Variants in NRG3 observed in about 807,000 individuals in gnomAD.
NRG3 encodes the protein pro-neuregulin-3, membrane-bound isoform.
A neutral mutation model predicts 66.9 loss-of-function variants in NRG3; 31 were observed. That is an observed-to-expected ratio of 0.46 (90% CI 0.35 to 0.63). The LOEUF is 0.63. Ranked by LOEUF, NRG3 falls within the 20% of genes least tolerant of loss-of-function variation. The pLI, the probability that NRG3 is intolerant of heterozygous loss-of-function variation, is 0.00. For missense variants in NRG3, 910 were observed against 878.9 expected (o/e 1.04, Z -0.45); for synonymous variants, 393 against 359.4 (o/e 1.09, Z -1.06).
At chr10:82,619,839 G>A (rs1448296370) in intron 2 of NRG3, among the ~76,000 whole-genome samples, 1 of 152,172 alleles carries the variant, frequency 6.6e-6, no homozygotes, top group Non-Finnish European at 1.5e-5. Context: ...AAAGGCCTTA[G>A]CAGAAACCAA....
intron 1 of NRG3, among the ~76,000 whole-genome samples, chr10:82,226,561 G>A (rs1224558270): frequency 1.3e-5 from 2 of 152,054 alleles, no homozygotes; most frequent in Non-Finnish European, 2.9e-5. Flanking sequence ...AATAATGCTA[G>A]CCCTTATATC....
chr10:82,815,601 T>A (rs1377695658), intron 3 of NRG3, among the ~76,000 whole-genome samples: 1 of 152,100 alleles, frequency 6.6e-6, no homozygotes, highest in Admixed American at 6.5e-5. Context: ...GGTCTGGAAA[T>A]CTCAATATTC....
At chr10:82,547,518 A>G (rs533992823) in intron 2 of NRG3, among the ~76,000 whole-genome samples, 1 of 151,226 alleles carries the variant, frequency 6.6e-6, no homozygotes, top group African/African-American at 2.4e-5. Flanking sequence ...TATTCCATAT[A>G]TAGTGTGTAT....
At chr10:82,311,319 C>G (rs914988352) in intron 1 of NRG3, among the ~76,000 whole-genome samples, 9 of 152,124 alleles carry the variant, frequency 5.9e-5, no homozygotes, top group Admixed American at 5.2e-4. Context: ...AAATAATCAT[C>G]TTTAAATAAC....
In NRG3 at chr10:82,641,367, A is replaced by G. The variant is rs149446883; in HGVS notation, c.954-97210A>G. Among the ~76,000 whole-genome samples, 851 of 152,248 alleles carry G rather than the reference A, an allele frequency of 5.6e-3. 7 individuals are homozygous for G. The highest frequency in any genetic ancestry group is 0.019 in the African/African-American group (793 of 41,554). ...AGTGTCTTATTGTATATAATGTCTCATATATTCCATTTCTAGTTAAAATAT... is the reference window on the plus strand; with the variant it reads ...AGTGTCTTATTGTATATAATGTCTCGTATATTCCATTTCTAGTTAAAATAT... On this transcript the variant is annotated intron_variant, in intron 2 of 8. Coordinates refer to ENST00000372141, the MANE Select transcript of NRG3 (RefSeq NM_001010848.4).
intron 2 of NRG3, among the ~76,000 whole-genome samples, chr10:82,718,120 C>T (rs1591296397): frequency 6.6e-6 from 1 of 152,324 alleles, no homozygotes; most frequent in East Asian, 1.9e-4. Flanking sequence ...TCCACATATA[C>T]TAGTCTGCTA....
chr10:82,517,333 G>A (rs1845755343), intron 2 of NRG3, among the ~76,000 whole-genome samples: 1 of 152,104 alleles, frequency 6.6e-6, no homozygotes, highest in South Asian at 2.1e-4. Context: ...AAAAAAGTAT[G>A]TATGTTAAAT....
intron 2 of NRG3, among the ~76,000 whole-genome samples, chr10:82,656,727 A>G (rs1047478751): frequency 6.6e-6 from 1 of 152,152 alleles, no homozygotes; most frequent in Non-Finnish European, 1.5e-5. Flanking sequence ...TTGCTTCTCC[A>G]TCAGCAGTCA....
chr10:82,761,096 A>T (rs188398312), intron 3 of NRG3, among the ~76,000 whole-genome samples: 2,157 of 149,866 alleles, frequency 0.014, 19 homozygotes, highest in South Asian at 0.038. Context: ...AGCTAATTAT[A>T]AAAAAAACTC....
intron 1 of NRG3, among the ~76,000 whole-genome samples, chr10:81,877,519 C>T (rs754742043): frequency 2.6e-5 from 4 of 152,196 alleles, no homozygotes; most frequent in African/African-American, 4.8e-5. Context: ...GCTAATTTTT[C>T]ATTTCCCTGC....
intron 1 of NRG3, among the ~76,000 whole-genome samples, chr10:81,978,465 AG>A (rs1564707196): frequency 6.6e-6 from 1 of 152,218 alleles, no homozygotes; most frequent in Non-Finnish European, 1.5e-5. Flanking sequence ...CAAGAGGTTA[AG>A]GCAAAGACAA....
At chr10:82,801,600 T>C (rs775489640) in intron 3 of NRG3, among the ~76,000 whole-genome samples, 16 of 152,110 alleles carry the variant, frequency 1.1e-4, no homozygotes, top group Non-Finnish European at 2.2e-4. Context: ...AATGGAAAAT[T>C]GTAATCTTCA....
intron 1 of NRG3, among the ~76,000 whole-genome samples, chr10:82,210,244 T>G (rs1239198027): frequency 6.6e-6 from 1 of 152,144 alleles, no homozygotes; most frequent in Non-Finnish European, 1.5e-5. Flanking sequence ...TTGGCCAGGC[T>G]CTCCTCAATG....
Position 82,784,065 on chromosome 10 carries a change from C to T in NRG3, c.1027+45415C>T, listed in dbSNP as rs546841314. Among the ~76,000 whole-genome samples the T allele has an allele frequency of 1.7e-4, 26 of 152,056 alleles. 1 individual carries two copies. The highest frequency in any genetic ancestry group is 3.9e-4 in the East Asian group (2 of 5,174). On this transcript the variant is annotated intron_variant, in intron 3 of 8. Transcript: ENST00000372141. ...CAGAAATAATGCTGCGTATCTACAACGATCTGATCTTTGACAAACCTGAGA... is the reference window on the plus strand; with the variant it reads ...CAGAAATAATGCTGCGTATCTACAATGATCTGATCTTTGACAAACCTGAGA...
At chr10:82,563,399 G>A (rs887202539) in intron 2 of NRG3, among the ~76,000 whole-genome samples, 1 of 151,920 alleles carries the variant, frequency 6.6e-6, no homozygotes, top group African/African-American at 2.4e-5. Flanking sequence ...TATTAATTTT[G>A]CATCAATAAT....
intron 3 of NRG3, among the ~76,000 whole-genome samples, chr10:82,779,441 C>T (rs1268743676): frequency 6.6e-6 from 1 of 152,108 alleles, no homozygotes; most frequent in Non-Finnish European, 1.5e-5. Context: ...TACTTCAGTG[C>T]TTTCCTTTAG....
chr10:82,950,255 T>C (rs1428213949), intron 4 of NRG3, among the ~76,000 whole-genome samples: 9 of 152,186 alleles, frequency 5.9e-5, no homozygotes, highest in Non-Finnish European at 1.3e-4. Context: ...TTTTAGAATA[T>C]ATATGTGTTA....
In NRG3 at chr10:82,985,223, G is replaced by A; in HGVS notation, c.1709G>A (p.Arg570Lys). Reference sequence around the variant, plus strand: ...GACCTGGTGGGCTATTCATCCACAAGGGCCAGTTCTGTGCCCATCATCCCT... The same window carrying A: ...GACCTGGTGGGCTATTCATCCACAAAGGCCAGTTCTGTGCCCATCATCCCT... ...QKDLVGYSST[R>K]ASSVPIIPSV... is the part of the protein sequence containing the mutation. The change falls in exon 9 of 9, where the codon AGG (arginine) becomes AAG (lysine). Residue 570 changes from arginine (R) to lysine (K), a missense_variant. By Grantham distance (26) the Arg-to-Lys change is conservative (BLOSUM62 2). Transcript: ENST00000372141. The A allele has an allele frequency of 6.2e-7, 1 of 1,614,120 alleles. No individual in the cohort carries two copies. The highest frequency in any genetic ancestry group is 8.5e-7 in the Non-Finnish European group (1 of 1,179,994).
At chr10:82,354,464 C>T (rs942193069) in intron 1 of NRG3, among the ~76,000 whole-genome samples, 3 of 151,778 alleles carry the variant, frequency 2.0e-5, no homozygotes, top group Non-Finnish European at 2.9e-5. Flanking sequence ...AATCTCAGCC[C>T]GCTGCAACCT....
Sources: allele counts gnomAD v4.1 joint callset (sites outside exome capture counted in the v4.1 genomes callset), GRCh38; gene constraint gnomAD v4.1.1; transcripts MANE v1.5; gene names NCBI Gene and HGNC (gene_info 2026-07-23, HGNC 2026-07-21).